Variants in COL6A5 observed in about 807,000 individuals in gnomAD.
The protein encoded by COL6A5 is collagen alpha-5(VI) chain.
COL6A5 carries 48 observed loss-of-function variants against 65.6 expected under a neutral mutation model. The observed-to-expected ratio is 0.73, with a 90% CI of 0.58 to 0.93. The LOEUF (loss-of-function observed/expected upper bound fraction) is 0.93, where lower values mean the gene tolerates loss of function less well. Ranked by LOEUF, COL6A5 falls within the 40% of genes least tolerant of loss-of-function variation. The pLI, the probability that COL6A5 is intolerant of heterozygous loss-of-function variation, is 0.00. For synonymous variants in COL6A5, 291 were observed against 322.8 expected, an observed-to-expected ratio of 0.90 and a Z score of 1.05; for missense variants, 914 against 928.3, an observed-to-expected ratio of 0.98 and a Z score of 0.20.
At chr3:130,373,368 G>T (rs1321730460) in intron 1 of COL6A5, among the ~76,000 whole-genome samples, 1 of 152,118 alleles carries the variant, frequency 6.6e-6, no homozygotes, top group Non-Finnish European at 1.5e-5. Flanking sequence ...TTGTTGTGAG[G>T]ATTAAATTAG....
At position 130,409,408 on chromosome 3, in the gene COL6A5, T is replaced by G. The variant is rs1338537043; in HGVS notation, c.4542+20T>G. ...GATCCGGTAAGTTTCTAGGGCCCAG[T>G]TGGCTCTGAATTTTATACTTGCTCC... On this transcript the variant is annotated intron_variant and NMD_transcript_variant, in intron 18 of 41. Transcript: ENST00000312481. 2.6e-6 allele frequency: 4 copies of G among 1,542,270 alleles called. No individual in the cohort carries two copies. The highest frequency in any genetic ancestry group is 2.5e-5 in the East Asian group (1 of 40,806).
At chr3:130,386,166 T>C (rs1212170599) in intron 5 of COL6A5, among the ~76,000 whole-genome samples, 1 of 152,026 alleles carries the variant, frequency 6.6e-6, no homozygotes, top group Non-Finnish European at 1.5e-5. Flanking sequence ...AGTTTACTGG[T>C]AAAGAGGAAA....
chr3:130,451,222 GTTTC>G (rs1429449029), intron 4 of COL6A5, among the ~76,000 whole-genome samples: 1 of 152,134 alleles, frequency 6.6e-6, no homozygotes, highest in African/African-American at 2.4e-5. Flanking sequence ...TAATCCACTT[GTTTC>G]TTTGTTTTGG....
chr3:130,453,621 T>A (rs1709500325), intron 4 of COL6A5, among the ~76,000 whole-genome samples: 1 of 152,148 alleles, frequency 6.6e-6, no homozygotes, highest in Non-Finnish European at 1.5e-5. Context: ...ATATAACAAA[T>A]TAGTCTGAAT....
exon 6 of COL6A5, chr3:130,469,328 G>T: frequency 6.2e-7 from 1 of 1,612,784 alleles, no homozygotes; most frequent in Non-Finnish European, 8.5e-7. Context: ...CTCCATATTT[G>T]TGTTTTCCTT....
chr3:130,357,092 A>G (rs2107617354), intron 1 of COL6A5, among the ~76,000 whole-genome samples: 1 of 152,340 alleles, frequency 6.6e-6, no homozygotes, highest in Admixed American at 6.5e-5. Flanking sequence ...ACTAGTTACC[A>G]TAATCCAGAC....
chr3:130,446,543 A>G (rs749709316), intron 4 of COL6A5, among the ~76,000 whole-genome samples: 6 of 152,138 alleles, frequency 3.9e-5, no homozygotes, highest in Admixed American at 2.6e-4. Context: ...GATTAGTTAG[A>G]TCGGTCTCCA....
intron 4 of COL6A5, among the ~76,000 whole-genome samples, chr3:130,443,805 G>T (rs950775432): frequency 6.6e-6 from 1 of 152,092 alleles, no homozygotes; most frequent in Non-Finnish European, 1.5e-5. Flanking sequence ...AGAAATTCCT[G>T]TATTGAAATT....
upstream of COL6A5, chr3:130,429,637 A>T: frequency 6.8e-7 from 1 of 1,464,060 alleles, no homozygotes; most frequent in East Asian, 2.7e-5. Flanking sequence ...GCTGCATTCC[A>T]ACAAGACCAA....
At chr3:130,470,771 T>C in intron 6 of COL6A5, 100 bp from the exon 39 acceptor site, 1 of 817,408 alleles carries the variant, frequency 1.2e-6, no homozygotes, top group Non-Finnish European at 2.0e-6. Flanking sequence ...AAAGTTGTTC[T>C]TGAAAACACT....
At chr3:130,480,920 G>T (rs1027108681) in intron 7 of COL6A5, among the ~76,000 whole-genome samples, 1 of 152,106 alleles carries the variant, frequency 6.6e-6, no homozygotes, top group Non-Finnish European at 1.5e-5. Context: ...GCAAATAAGG[G>T]TGTCATCTCA....
At chr3:130,388,025 A>C (rs1936260154) in intron 5 of COL6A5, among the ~76,000 whole-genome samples, 2 of 151,970 alleles carry the variant, frequency 1.3e-5, no homozygotes, top group South Asian at 4.1e-4. Context: ...TCCATGTTGA[A>C]TGAGTATATG....
intron 3 of COL6A5, among the ~76,000 whole-genome samples, chr3:130,443,268 C>T (rs1034014750): frequency 3.9e-5 from 6 of 152,118 alleles, no homozygotes; most frequent in African/African-American, 1.2e-4. Flanking sequence ...TTCCATGACT[C>T]TGGTAATCCT....
At chr3:130,389,124 T>A in exon 6 of COL6A5, 1 of 1,434,276 alleles carries the variant, frequency 7.0e-7, no homozygotes, top group Non-Finnish European at 9.2e-7. Flanking sequence ...TTCGTGTGTG[T>A]GCTCTCCATG....
chr3:130,450,270 C>T (rs983837097), intron 4 of COL6A5, among the ~76,000 whole-genome samples: 1 of 152,094 alleles, frequency 6.6e-6, no homozygotes, highest in Admixed American at 6.6e-5. Context: ...AGGGGGTTTC[C>T]ATCTATATCA....
intron 1 of COL6A5, among the ~76,000 whole-genome samples, chr3:130,370,259 G>A (rs1002608893): frequency 3.9e-5 from 6 of 152,072 alleles, no homozygotes; most frequent in African/African-American, 1.4e-4. Flanking sequence ...CTTTGGCATG[G>A]GAAACTTTGA....
At chr3:130,351,637 C>T (rs948526996) in intron 1 of COL6A5, among the ~76,000 whole-genome samples, 2 of 152,108 alleles carry the variant, frequency 1.3e-5, no homozygotes, top group African/African-American at 2.4e-5. Context: ...GAATGGTGAT[C>T]ATTAAAAAGT....
At chr3:130,372,882 A>G (rs997542921) in intron 1 of COL6A5, among the ~76,000 whole-genome samples, 5 of 152,164 alleles carry the variant, frequency 3.3e-5, no homozygotes, top group Admixed American at 1.3e-4. Context: ...GTTTTAAGGG[A>G]GATCTATTTT....
intron 25 of COL6A5, 98 bp from the exon 26 acceptor site, chr3:130,421,055 T>C (rs1937508137): frequency 6.5e-6 from 7 of 1,083,086 alleles, no homozygotes; most frequent in Non-Finnish European, 9.4e-6. Context: ...TGCATGGAAG[T>C]CCCTAGTGCT....
Sources: gnomAD v4.1 joint callset for allele counts (sites outside exome capture counted in the v4.1 genomes callset) on GRCh38, gnomAD v4.1.1 for gene constraint, MANE v1.5 for transcripts, NCBI Gene and HGNC (gene_info 2026-07-23, HGNC 2026-07-21) for gene names.